KRT81: variants seen among roughly 807,000 people sequenced by gnomAD.
The protein encoded by KRT81 is keratin, type II cuticular Hb1.
A neutral mutation model predicts 35.8 loss-of-function variants in KRT81; 35 were observed. The observed-to-expected ratio is 0.98, with a 90% CI of 0.75 to 1.30. The LOEUF (loss-of-function observed/expected upper bound fraction) is 1.30, where lower values mean the gene tolerates loss of function less well. KRT81 is among the 50% of genes most tolerant of loss of function. The pLI is 0.00. For missense variants in KRT81, 531 were observed against 577.4 expected (o/e 0.92, Z 0.82); for synonymous variants, 249 against 251.2 (o/e 0.99, Z 0.08).
At chr12:52,288,189 C>A (rs757731348) in intron 4 of KRT81, 41 bp from the exon 5 acceptor site, 1 of 1,600,336 alleles carries the variant, frequency 6.2e-7, no homozygotes, top group Non-Finnish European at 8.6e-7. Flanking sequence ...GAGAATACAG[C>A]CCCACCCACC....
chr12:52,286,142 C>T lies in KRT81; in HGVS notation c.*113G>A. 1.1e-6 allele frequency: 1 copy of T among 873,390 alleles called. No homozygotes were observed. The highest frequency in any genetic ancestry group is 1.9e-6 in the Non-Finnish European group (1 of 535,008). The allele number at this position is 873,390 out of a possible 1,614,324, so 54.1% of individuals were successfully genotyped here. On this transcript the variant is annotated 3_prime_UTR_variant, in exon 9 of 9. Transcript: ENST00000327741. The stretch of plus-strand genomic sequence containing the variant: ...ATGTGAGGCCAGGAGTGGGAGGGGT[C>T]TTTCAAAGTGCAGGAGAAGTAGCTG...
In KRT81 at chr12:52,287,193, T is replaced by C; in HGVS notation, c.1156A>G (p.Ile386Val). The change falls in exon 7 of 9, where the codon ATC becomes GTC. Residue 386 changes from isoleucine to valine, a missense_variant. Physicochemically the swap from Ile to Val is conservative, Grantham distance 29. Transcript: ENST00000327741. ...TTCATCACCTCCTGGTACTCCCTGA[T>C]CAGGCAGGCCATGTCCTGCTTGGCC... ...QKAKQDMACL[I>V]REYQEVMNSK... The C allele has an allele frequency of 3.7e-6, 6 of 1,613,878 alleles. No homozygotes were observed. Among genetic ancestry groups the C allele is most frequent in the Non-Finnish European group, 5.1e-6 (6 of 1,180,024 alleles).
Position 52,286,463 on chromosome 12 carries a change from C to T in KRT81, c.1310G>A (p.Cys437Tyr). 1 of 1,552,524 alleles carries T rather than the reference C, an allele frequency of 6.4e-7. No homozygotes were observed. Among genetic ancestry groups the T allele is most frequent in the Non-Finnish European group, 8.7e-7 (1 of 1,147,812 alleles). Residue 437 changes from cysteine to tyrosine, a missense_variant, in exon 9 of 9, where the codon TGC becomes TAC. Coordinates refer to ENST00000327741, the MANE Select transcript of KRT81 (RefSeq NM_002281.4). ...CVSSSRGGVVCGDLCVSGSRP... is the reference protein window; with the variant it reads ...CVSSSRGGVVYGDLCVSGSRP... ...GGAGCCTGACACGCAGAGGTCCCCG[C>T]ACACGACCCCGCCCCGGGAGCTGCT... is the stretch of plus-strand genomic sequence containing the variant.
chr12:52,287,643 G>C lies in KRT81; in HGVS notation c.979C>G (p.Arg327Gly), dbSNP rs760791254. ...TCGGCCGTCAGCCTTTGGATCATGC[G>C]GTTCAGCTCATTGATCTCCTCCTTG... is the stretch of plus-strand genomic sequence containing the variant. Reference protein sequence around the residue: ...RTKEEINELNRMIQRLTAEVE... With the variant: ...RTKEEINELNGMIQRLTAEVE... Residue 327 changes from arginine (R) to glycine (G), a missense_variant, in exon 6 of 9, where the codon CGC becomes GGC. By Grantham distance (125) the Arg-to-Gly change is moderately radical. Transcript: ENST00000327741. 6.2e-7 allele frequency: 1 copy of C among 1,613,838 alleles called. No individual in the cohort carries two copies. The highest frequency in any genetic ancestry group is 1.1e-5 in the South Asian group (1 of 91,062).
chr12:52,288,099 T>G lies in KRT81; in HGVS notation c.785A>C (p.Lys262Thr). The G allele has an allele frequency of 6.2e-7, 1 of 1,614,154 alleles. No individual in the cohort carries two copies. The highest frequency in any genetic ancestry group is 8.5e-7 in the Non-Finnish European group (1 of 1,180,014). Reference protein sequence around the residue: ...SHISDTSVVVKLDNSRDLNMD... With the variant: ...SHISDTSVVVTLDNSRDLNMD... Reference sequence around the variant, plus strand: ...GTTCAGGTCCCGGCTGTTGTCCAGCTTGACAACCACGGAGGTGTCTGAGAT... The same window carrying G: ...GTTCAGGTCCCGGCTGTTGTCCAGCGTGACAACCACGGAGGTGTCTGAGAT... The change falls in exon 5 of 9, where the codon AAG (lysine) becomes ACG (threonine). Residue 262 changes from lysine (K) to threonine (T), a missense_variant. By Grantham distance (78) the Lys-to-Thr change is moderately conservative (BLOSUM62 -1). Coordinates refer to ENST00000327741, the MANE Select transcript of KRT81 (RefSeq NM_002281.4).
intron 3 of KRT81, among the ~76,000 whole-genome samples, chr12:52,288,827 C>A (rs937368638): frequency 6.6e-6 from 1 of 152,098 alleles, no homozygotes; most frequent in African/African-American, 2.4e-5. Context: ...CTCCATCCCC[C>A]CTTAGACCCT....
chr12:52,286,617 T>C (rs2121231077), intron 8 of KRT81, 124 bp from the exon 9 acceptor site: 1 of 1,207,852 alleles, frequency 8.3e-7, no homozygotes. Context: ...TGGACAATTC[T>C]AGGTCCATCT....
Position 52,286,013 on chromosome 12 carries a change from C to G in KRT81, c.*242G>C. On this transcript the variant is annotated 3_prime_UTR_variant, in exon 9 of 9. Coordinates refer to ENST00000327741, the MANE Select transcript of KRT81 (RefSeq NM_002281.4). ...GGCAAGGTTCTGGTCCTGGCCCTTC[C>G]TGCTCCTGAGGCCCCTTCCTATGGG... 5.3e-6 allele frequency: 3 copies of G among 562,900 alleles called. No homozygotes were observed. The highest frequency in any genetic ancestry group is 9.5e-6 in the Non-Finnish European group (3 of 314,190). 34.9% of individuals were successfully genotyped at this position (562,900 alleles called of 1,614,324 possible). A position where few individuals can be genotyped will look rare whatever the true frequency, so the allele number is the denominator to read the frequency against.
intron 3 of KRT81, among the ~76,000 whole-genome samples, chr12:52,288,748 C>A (rs1414623266): frequency 1.3e-5 from 2 of 152,118 alleles, no homozygotes; most frequent in Admixed American, 6.5e-5. Flanking sequence ...GACCCCCCAG[C>A]TCTCACACCC....
chr12:52,291,500 A>C lies in KRT81; in HGVS notation c.-35T>G, dbSNP rs765185794. On this transcript the variant is annotated 5_prime_UTR_variant, in exon 1 of 9. Transcript: ENST00000327741. ...GGACGTTTGGGTTGCAGAGGACAGG[A>C]TAGGGGACCTGGAGTCCTGATGGAA... The C allele has an allele frequency of 1.2e-6, 2 of 1,610,448 alleles. No individual in the cohort carries two copies. The highest frequency in any genetic ancestry group is 1.7e-6 in the Non-Finnish European group (2 of 1,178,226).
intron 7 of KRT81, 42 bp downstream of exon 7, chr12:52,287,060 G>A (rs1565740075): frequency 1.2e-6 from 2 of 1,612,476 alleles, no homozygotes; most frequent in South Asian, 2.2e-5. Flanking sequence ...TTGTGCCAGG[G>A]ATGGGGAAGG....
rs759416656 is a variant in KRT81 at position 52,291,493 on chromosome 12, G to A, written c.-28C>T. On this transcript the variant is annotated 5_prime_UTR_variant, in exon 1 of 9. Coordinates refer to ENST00000327741, the MANE Select transcript of KRT81 (RefSeq NM_002281.4). Reference sequence around the variant, plus strand: ...TCCTCCTGGACGTTTGGGTTGCAGAGGACAGGATAGGGGACCTGGAGTCCT... The same window carrying A: ...TCCTCCTGGACGTTTGGGTTGCAGAAGACAGGATAGGGGACCTGGAGTCCT... 3 of 1,611,550 alleles carry A rather than the reference G, an allele frequency of 1.9e-6. No homozygotes were observed. The South Asian group carries it at 3.3e-5, about 18-fold the overall frequency.
In KRT81 at chr12:52,287,279, C is replaced by A. The variant is rs1347312294; in HGVS notation, c.1070G>T (p.Gly357Val). Reference protein sequence around the residue: ...EAAVAQSEQQGEAALSDARCK... With the variant: ...EAAVAQSEQQVEAALSDARCK... ...GCGGGCATCACTGAGGGCCGCCTCACCCTGCTGCTCAGACTGGGCCACCGC... is the reference window on the plus strand; with the variant it reads ...GCGGGCATCACTGAGGGCCGCCTCAACCTGCTGCTCAGACTGGGCCACCGC... The change falls in exon 7 of 9, where the codon GGT becomes GTT. Residue 357 changes from glycine to valine, a missense_variant. This residue lies in a region of KRT81 where 49 missense variants were observed against 87.8 expected (regional missense o/e 0.56). Transcript: ENST00000327741. 2.5e-6 allele frequency: 4 copies of A among 1,613,954 alleles called. No homozygotes were observed. Among genetic ancestry groups the A allele is most frequent in the Non-Finnish European group, 3.4e-6 (4 of 1,179,986 alleles).
At chr12:52,288,594 C>G in intron 3 of KRT81, 138 bp from the exon 4 acceptor site, 3 of 1,083,874 alleles carry the variant, frequency 2.8e-6, no homozygotes, top group Non-Finnish European at 1.4e-6. Context: ...TCCCCTTCTG[C>G]CCTTCCTGGG....
chr12:52,291,347 C>G lies in KRT81; in HGVS notation c.119G>C (p.Gly40Ala), dbSNP rs1938114261. ...GTGGCTGCCGAAGCCCCCGGTGAGG[C>G]CGCGGTAGCAGGAGATGCCACGGTA... ...APYRGISCYR[G>A]LTGGFGSHSV... The change falls in exon 1 of 9, where the codon GGC becomes GCC. Residue 40 changes from glycine (G) to alanine (A), a missense_variant. Gly to Ala is a moderately conservative substitution (Grantham distance 60). This residue lies in a region of KRT81 where 133 missense variants were observed against 125.9 expected (regional missense o/e 1.06). Transcript: ENST00000327741. 2.5e-6 allele frequency: 4 copies of G among 1,581,292 alleles called. No homozygotes were observed. Among genetic ancestry groups the G allele is most frequent in the South Asian group, 1.1e-5 (1 of 87,680 alleles).
In KRT81 at chr12:52,291,436, G is replaced by C. The variant is rs1326820632; in HGVS notation, c.30C>G (p.Arg10=). The C allele has an allele frequency of 2.5e-6, 4 of 1,612,628 alleles. No homozygotes were observed. The highest frequency in any genetic ancestry group is 3.4e-6 in the Non-Finnish European group (4 of 1,179,484). Residue 10 remains arginine, a synonymous_variant, in exon 1 of 9, where the codon CGC becomes CGG. Transcript: ENST00000327741. ...CGCAGGCCGAGATGCAGCTGAAGGC[G>C]CGCCCACCAAATCCTGATCCGCAGG... is the stretch of plus-strand genomic sequence containing the variant. The part of the protein sequence containing the change: MTCGSGFGG[R]AFSCISACGP...
Position 52,286,103 on chromosome 12 carries a change from G to T in KRT81, c.*152C>A. On this transcript the variant is annotated 3_prime_UTR_variant, in exon 9 of 9. Transcript: ENST00000327741. ...GGGGTGGCAGAGCCCAGAAGTGGGG[G>T]ATCACACAGAGAAATGTGAGGCCAG... 1.4e-6 allele frequency: 1 copy of T among 718,920 alleles called. No homozygotes were observed. Among genetic ancestry groups the T allele is most frequent in the Non-Finnish European group, 2.4e-6 (1 of 417,072 alleles). The allele number at this position is 718,920 out of a possible 1,614,324, so 44.5% of individuals were successfully genotyped here. A position where few individuals can be genotyped will look rare whatever the true frequency, so the allele number is the denominator to read the frequency against.
chr12:52,286,102 G>T lies in KRT81; in HGVS notation c.*153C>A. ...TGGGGTGGCAGAGCCCAGAAGTGGG[G>T]GATCACACAGAGAAATGTGAGGCCA... On this transcript the variant is annotated 3_prime_UTR_variant, in exon 9 of 9. Transcript: ENST00000327741. 1.4e-6 allele frequency: 1 copy of T among 717,348 alleles called. No individual in the cohort carries two copies. 44.4% of individuals were successfully genotyped at this position (717,348 alleles called of 1,614,324 possible).
In KRT81 at chr12:52,287,578, C is replaced by A. The variant is rs111635510; in HGVS notation, c.1026+18G>T. ...TAGGCCCTCGGTCTCTCTGACCTTG[C>A]GCACAGATGCCCCATACCTGGCACT... On this transcript the variant is annotated intron_variant, in intron 6 of 8. Coordinates refer to ENST00000327741, the MANE Select transcript of KRT81 (RefSeq NM_002281.4). 5 of 1,613,888 alleles carry A rather than the reference C, an allele frequency of 3.1e-6. No individual in the cohort carries two copies. The highest frequency in any genetic ancestry group is 4.5e-5 in the East Asian group (2 of 44,872).
Sources: allele counts gnomAD v4.1 joint callset (sites outside exome capture counted in the v4.1 genomes callset), GRCh38; gene constraint gnomAD v4.1.1; regional missense constraint gnomAD v4.1.1; transcripts MANE v1.5; gene names NCBI Gene and HGNC (gene_info 2026-07-23, HGNC 2026-07-21).